The following PDE7B variants were observed in gnomAD, a reference collection of about 807,000 sequenced individuals.
The protein encoded by PDE7B is 3',5'-cyclic-AMP phosphodiesterase 7B.
PDE7B carries 29 observed loss-of-function variants against 56.2 expected under a neutral mutation model. The ratio of observed to expected loss-of-function variants is 0.52; its 90% CI spans 0.38 to 0.70. The LOEUF (loss-of-function observed/expected upper bound fraction) is 0.70. Ranked by LOEUF, PDE7B falls within the 30% of genes least tolerant of loss-of-function variation. The pLI, the probability that PDE7B is intolerant of heterozygous loss-of-function variation, is 0.00. For missense variants in PDE7B, 490 were observed against 565.0 expected (o/e 0.87, Z 1.35); for synonymous variants, 197 against 196.9 (o/e 1.00, Z 0.00).
rs142661840 is a variant in PDE7B at position 135,877,073 on chromosome 6, T to TAA, written c.21+25062_21+25063dup. ...ATTTCTAGAAGATACATTTGTTCTT[T>TAA]AAAAAAAAATCTACCGAATTCTATT... On this transcript the variant is annotated intron_variant, in intron 1 of 12. Coordinates refer to ENST00000308191, the MANE Select transcript of PDE7B (RefSeq NM_018945.4). Among the ~76,000 whole-genome samples the TAA allele has an allele frequency of 2.4e-4, 37 of 151,304 alleles. No homozygotes were observed. The South Asian group carries it at 4.4e-3, about 18-fold the overall frequency.
At position 136,130,297 on chromosome 6, in the gene PDE7B, G is replaced by A. The variant is rs370609975; in HGVS notation, c.167-17054G>A. 3.2e-4 allele frequency among the ~76,000 whole-genome samples: 49 copies of A among 152,192 alleles called. No individual in the cohort carries two copies. In the East Asian group the frequency reaches 7.3e-3, roughly 23 times the overall value. On this transcript the variant is annotated intron_variant, in intron 3 of 12. Coordinates refer to ENST00000308191, the MANE Select transcript of PDE7B (RefSeq NM_018945.4). ...CTGGTACAGAAACCTCCTCCGATGG[G>A]TGCTTGAATGTCTCTTCTCTCTTGA...
At chr6:136,013,916 T>G (rs1775933463) in intron 2 of PDE7B, among the ~76,000 whole-genome samples, 1 of 152,184 alleles carries the variant, frequency 6.6e-6, no homozygotes, top group Admixed American at 6.5e-5. Flanking sequence ...AAACTTTAGG[T>G]CTGGGCAAGG....
At chr6:136,040,037 G>T (rs937157748) in intron 2 of PDE7B, among the ~76,000 whole-genome samples, 1 of 152,118 alleles carries the variant, frequency 6.6e-6, no homozygotes, top group Non-Finnish European at 1.5e-5. Context: ...TCCTGAAAAA[G>T]CAATACTCTG....
At chr6:135,918,610 C>T (rs1031691456) in intron 1 of PDE7B, among the ~76,000 whole-genome samples, 2 of 148,144 alleles carry the variant, frequency 1.4e-5, no homozygotes, top group African/African-American at 4.9e-5. Context: ...GATGAAAGTC[C>T]ATTAAATAAA....
intron 2 of PDE7B, among the ~76,000 whole-genome samples, chr6:135,956,315 T>C (rs1048364333): frequency 3.9e-5 from 6 of 152,130 alleles, no homozygotes; most frequent in African/African-American, 1.4e-4. Flanking sequence ...TGGGGCATAA[T>C]ACAAATGTAA....
At chr6:136,036,727 G>A (rs1031681108) in intron 2 of PDE7B, among the ~76,000 whole-genome samples, 2 of 152,180 alleles carry the variant, frequency 1.3e-5, no homozygotes, top group Non-Finnish European at 2.9e-5. Flanking sequence ...ATGTAGAGCA[G>A]AAGCAACAGA....
At chr6:136,090,602 C>T (rs1777370735) in intron 2 of PDE7B, among the ~76,000 whole-genome samples, 1 of 152,160 alleles carries the variant, frequency 6.6e-6, no homozygotes, top group Non-Finnish European at 1.5e-5. Context: ...AGTGTGAGTA[C>T]ACATTGTTGT....
chr6:136,130,032 T>C (rs1049779998), intron 3 of PDE7B, among the ~76,000 whole-genome samples: 4 of 152,214 alleles, frequency 2.6e-5, no homozygotes, highest in Admixed American at 6.5e-5. Flanking sequence ...TTTTTTCCAA[T>C]ATAGGTGTAT....
At chr6:136,047,475 C>A (rs116742809) in intron 2 of PDE7B, 2 of 152,282 alleles carry the variant, frequency 1.3e-5, no homozygotes, top group South Asian at 2.1e-4. Flanking sequence ...CTTTCTTTGG[C>A]CCTCATCCCC....
chr6:135,959,667 TA>T (rs1774862662), intron 2 of PDE7B, among the ~76,000 whole-genome samples: 1 of 152,136 alleles, frequency 6.6e-6, no homozygotes, highest in South Asian at 2.1e-4. Context: ...GATGGTTGAC[TA>T]ATGAAATGCC....
chr6:136,113,777 G>A (rs532955042), intron 3 of PDE7B, among the ~76,000 whole-genome samples: 4 of 152,312 alleles, frequency 2.6e-5, no homozygotes, highest in Non-Finnish European at 4.4e-5. Flanking sequence ...GACCCAGAGG[G>A]GAGAGTTGCA....
At chr6:136,137,550 C>T (rs1223173399) in intron 3 of PDE7B, among the ~76,000 whole-genome samples, 2 of 152,010 alleles carry the variant, frequency 1.3e-5, no homozygotes, top group Admixed American at 6.6e-5. Flanking sequence ...AGTCACTACT[C>T]GACTTCTGGA....
At chr6:135,925,376 C>T (rs1386437166) in intron 1 of PDE7B, among the ~76,000 whole-genome samples, 1 of 152,118 alleles carries the variant, frequency 6.6e-6, no homozygotes, top group Non-Finnish European at 1.5e-5. Flanking sequence ...TAGATAGTCA[C>T]TTTAGCTTTC....
intron 2 of PDE7B, among the ~76,000 whole-genome samples, chr6:135,989,404 G>T (rs878932795): frequency 6.6e-6 from 1 of 152,062 alleles, no homozygotes; most frequent in East Asian, 1.9e-4. Flanking sequence ...ACCTGAGGTC[G>T]GTAGTTCGAG....
intron 12 of PDE7B, among the ~76,000 whole-genome samples, chr6:136,191,024 T>TTTTTTC (rs1779214606): frequency 6.8e-6 from 1 of 147,766 alleles, no homozygotes; most frequent in African/African-American, 2.6e-5. Context: ...TTTTTTTTTT[T>TTTTTTC]TTTTTTTTTT....
At chr6:136,190,977 C>G (rs1281468515) in intron 12 of PDE7B, among the ~76,000 whole-genome samples, 2 of 147,306 alleles carry the variant, frequency 1.4e-5, no homozygotes, top group Non-Finnish European at 2.9e-5. Context: ...CCCTCTCCAT[C>G]CCTTCTCCGC....
chr6:136,007,869 C>T (rs1775816484), intron 2 of PDE7B, among the ~76,000 whole-genome samples: 1 of 151,750 alleles, frequency 6.6e-6, no homozygotes, highest in South Asian at 2.1e-4. Context: ...TTGTAGGGTA[C>T]ATGTGCATGA....
At chr6:136,003,429 G>C (rs1775711802) in intron 2 of PDE7B, among the ~76,000 whole-genome samples, 1 of 152,080 alleles carries the variant, frequency 6.6e-6, no homozygotes, top group African/African-American at 2.4e-5. Context: ...TTATTGAAAG[G>C]ATCAACAAAA....
intron 9 of PDE7B, among the ~76,000 whole-genome samples, chr6:136,176,202 T>C (rs1005663196): frequency 5.9e-5 from 9 of 152,192 alleles, no homozygotes; most frequent in African/African-American, 2.2e-4. Context: ...ATGTGGTAAA[T>C]ATTACTTGAA....
Sources: allele counts gnomAD v4.1 joint callset (sites outside exome capture counted in the v4.1 genomes callset), GRCh38; gene constraint gnomAD v4.1.1; transcripts MANE v1.5; gene names NCBI Gene and HGNC (gene_info 2026-07-23, HGNC 2026-07-21).